Variants in AARS2 observed in about 807,000 individuals in gnomAD.
AARS2 encodes the protein alanyl-tRNA synthetase 2, mitochondrial.
Under a neutral mutation model 119.7 loss-of-function variants are expected in AARS2, and 78 were observed. That is an observed-to-expected ratio of 0.65 (90% CI 0.54 to 0.79). The LOEUF (loss-of-function observed/expected upper bound fraction) is 0.79. Ranked by LOEUF, AARS2 falls within the 30% of genes least tolerant of loss-of-function variation. The probability of loss-of-function intolerance (pLI) is 0.00; values close to 1 mark genes in which losing one functional copy is unlikely to be tolerated. For missense variants in AARS2, 1,157 were observed against 1,291.3 expected, an observed-to-expected ratio of 0.90 and a Z score of 1.59; for synonymous variants, 502 against 526.3, an observed-to-expected ratio of 0.95 and a Z score of 0.63.
Position 44,305,775 on chromosome 6 carries a change from A to G in AARS2, c.1312T>C (p.Trp438Arg). The G allele has an allele frequency of 6.2e-7, 1 of 1,614,158 alleles. No homozygotes were observed. Among genetic ancestry groups the G allele is most frequent in the Non-Finnish European group, 8.5e-7 (1 of 1,179,994 alleles). The change falls in exon 10 of 22, where the codon TGG becomes CGG. Residue 438 changes from tryptophan (W) to arginine (R), a missense_variant. By Grantham distance (101) the Trp-to-Arg change is moderately radical (BLOSUM62 -3). Transcript: ENST00000244571. This position sits in a 1 kb window ranked among gnomAD's most constrained non-coding sequence, Gnocchi z 4.6. ...PSDMFPAEVA[W>R]SLSLCGDLGL... ...AGGTCTCCACACAGTGACAAGGACC[A>G]GGCCACTTCAGCTTTGAGAAAGAAA...
In AARS2 at chr6:44,303,445, G is replaced by T. The variant is rs376332339; in HGVS notation, c.2008-22C>A. Reference sequence around the variant, plus strand: ...GGGTCTGGAGGGGTGGGGAGGAAATGGAAAGACCAACATGCAGTCAGCCCC... The same window carrying T: ...GGGTCTGGAGGGGTGGGGAGGAAATTGAAAGACCAACATGCAGTCAGCCCC... On this transcript the variant is annotated intron_variant, in intron 14 of 21. Coordinates refer to ENST00000244571, the MANE Select transcript of AARS2 (RefSeq NM_020745.4). The T allele has an allele frequency of 6.8e-5, 109 of 1,613,682 alleles. No homozygotes were observed. In the African/African-American group the frequency reaches 1.4e-3, roughly 20 times the overall value.
At chr6:44,304,875 G>C (rs1408487088) in intron 11 of AARS2, 58 bp from the exon 12 acceptor site, 3 of 1,612,044 alleles carry the variant, frequency 1.9e-6, no homozygotes, top group Non-Finnish European at 2.5e-6. Context: ...GTGAAGGTGG[G>C]TCTGTGCCTG....
rs758937681 is a variant in AARS2 at position 44,313,082 on chromosome 6, T to G, written c.242A>C (p.Gln81Pro). ...SLLFVNAGMNQFKPIFLGTVD... is the reference protein window; with the variant it reads ...SLLFVNAGMNPFKPIFLGTVD... ...CTATCAGTATGGTTCGGCCCTCACCTGGTTCATGCCCGCATTGACAAAAAG... is the reference window on the plus strand; with the variant it reads ...CTATCAGTATGGTTCGGCCCTCACCGGGTTCATGCCCGCATTGACAAAAAG... Residue 81 changes from glutamine (Q) to proline (P), a missense_variant and splice_region_variant, in exon 1 of 22, where the codon CAG becomes CCG. Transcript: ENST00000244571. The G allele has an allele frequency of 1.2e-6, 2 of 1,613,380 alleles. No homozygotes were observed. The highest frequency in any genetic ancestry group is 1.7e-6 in the Non-Finnish European group (2 of 1,179,944).
intron 18 of AARS2, 102 bp downstream of exon 18, chr6:44,302,289 C>A: frequency 6.2e-7 from 1 of 1,611,018 alleles, no homozygotes. Context: ...CCAGCTGGAG[C>A]CCAACCCAAT....
In AARS2 at chr6:44,307,733, G is replaced by C. The variant is rs760923941; in HGVS notation, c.895-339C>G. 69 of 360,920 alleles carry C rather than the reference G, an allele frequency of 1.9e-4. No homozygotes were observed. The highest frequency in any genetic ancestry group is 2.8e-4 in the Non-Finnish European group (53 of 190,012). 22.4% of individuals were successfully genotyped at this position (360,920 alleles called of 1,614,324 possible). On this transcript the variant is annotated intron_variant, in intron 5 of 21. Coordinates refer to ENST00000244571, the MANE Select transcript of AARS2 (RefSeq NM_020745.4). This position sits in a 1 kb window ranked among gnomAD's most constrained non-coding sequence, Gnocchi z 4.4. ...TTGCTTTAAAGAAGAAGAAGCTGAG[G>C]CTCAGAGGAACTCAGTGACACAAGG...
chr6:44,306,128 T>G (rs553584388), intron 9 of AARS2, 152 bp downstream of exon 9: 2 of 795,756 alleles, frequency 2.5e-6, no homozygotes. Flanking sequence ...TGCAGAGGGG[T>G]CTGGGTATGG....
Position 44,301,583 on chromosome 6 carries a change from G to C in AARS2, c.2599-119C>G, listed in dbSNP as rs1157489996. On this transcript the variant is annotated intron_variant, in intron 19 of 21. Transcript: ENST00000244571. Reference sequence around the variant, plus strand: ...CCTGCTTCCCCCACCCACCCCAAAAGTCATTAGCTCTAGGCAGAGGTGGCA... The same window carrying C: ...CCTGCTTCCCCCACCCACCCCAAAACTCATTAGCTCTAGGCAGAGGTGGCA... 1.0e-5 allele frequency: 10 copies of C among 986,184 alleles called. No individual in the cohort carries two copies. The Admixed American group carries it at 1.7e-4, about 17-fold the overall frequency. 61.1% of individuals were successfully genotyped at this position (986,184 alleles called of 1,614,324 possible).
Position 44,311,014 on chromosome 6 carries a change from C to T in AARS2, c.729G>A (p.Leu243=), listed in dbSNP as rs758236722. The T allele has an allele frequency of 6.2e-7, 1 of 1,613,964 alleles. No homozygotes were observed. ...GAPQLVELWN[L]VFMQHNREAD... ...ATTACCTGTTGTGTTGCATGAAGACCAGGTTCCAAAGCTCTACCAGCTGGG... is the reference window on the plus strand; with the variant it reads ...ATTACCTGTTGTGTTGCATGAAGACTAGGTTCCAAAGCTCTACCAGCTGGG... Residue 243 remains leucine, a synonymous_variant, in exon 4 of 22, where the codon CTG becomes CTA. Coordinates refer to ENST00000244571, the MANE Select transcript of AARS2 (RefSeq NM_020745.4).
At position 44,307,077 on chromosome 6, in the gene AARS2, T is replaced by A. The variant is rs771011932; in HGVS notation, c.1041-46A>T. ...GACATGAATCCCCAGCGGCTCATGGTCAGCAATATGGGGAGTGGGAAGGAC... is the reference window on the plus strand; with the variant it reads ...GACATGAATCCCCAGCGGCTCATGGACAGCAATATGGGGAGTGGGAAGGAC... On this transcript the variant is annotated intron_variant, in intron 6 of 21. Coordinates refer to ENST00000244571, the MANE Select transcript of AARS2 (RefSeq NM_020745.4). The surrounding 1 kb of genome is among the most constrained non-coding windows in gnomAD (Gnocchi z 4.4). 11 of 1,606,906 alleles carry A rather than the reference T, an allele frequency of 6.8e-6. No individual in the cohort carries two copies. The highest frequency in any genetic ancestry group is 9.4e-6 in the Non-Finnish European group (11 of 1,174,018).
chr6:44,311,872 T>C (rs1384449033), intron 2 of AARS2, among the ~76,000 whole-genome samples, 200 bp downstream of exon 2: 1 of 152,220 alleles, frequency 6.6e-6, no homozygotes, highest in Non-Finnish European at 1.5e-5. Flanking sequence ...AATTTTTGAG[T>C]GATCATTAGG....
In AARS2 at chr6:44,302,786, C is replaced by T; in HGVS notation, c.2364+16G>A. On this transcript the variant is annotated intron_variant, in intron 17 of 21. Transcript: ENST00000244571. ...CCCACTCAACCCAGAAGTCCCAGGC[C>T]TACTGGCATGCTGACCTGCTGGGCC... The T allele has an allele frequency of 6.2e-7, 1 of 1,610,182 alleles. No individual in the cohort carries two copies. Among genetic ancestry groups the T allele is most frequent in the Non-Finnish European group, 8.5e-7 (1 of 1,178,190 alleles).
chr6:44,300,899 G>T (rs981599146), intron 21 of AARS2, 188 bp from the exon 22 acceptor site: 1 of 769,050 alleles, frequency 1.3e-6, no homozygotes, highest in South Asian at 1.6e-5. Context: ...GTGTATGAAC[G>T]TGAACATCTG....
At chr6:44,311,625 G>T in intron 2 of AARS2, 90 bp from the exon 3 acceptor site, 1 of 1,459,444 alleles carries the variant, frequency 6.9e-7, no homozygotes, top group Non-Finnish European at 9.5e-7. Flanking sequence ...TTTAGCTCCC[G>T]ACTTAAGACA....
At chr6:44,310,865 G>T in intron 4 of AARS2, 129 bp downstream of exon 4, 1 of 1,203,692 alleles carries the variant, frequency 8.3e-7, no homozygotes, top group South Asian at 1.3e-5. Context: ...AAGGTGTTGA[G>T]AATTGTGCCT....
In AARS2 at chr6:44,299,422, G is replaced by A. The variant is rs1002951042; in HGVS notation, c.*1125C>T. On this transcript the variant is annotated 3_prime_UTR_variant, in exon 22 of 22. Transcript: ENST00000244571. ...AGTCTCAGCTACCTGGGAGGCTGAG[G>A]CATAAAGATTACTTTTTTTTTTTTT... 4.0e-4 allele frequency among the ~76,000 whole-genome samples: 61 copies of A among 151,878 alleles called. No individual in the cohort carries two copies. The highest frequency in any genetic ancestry group is 1.5e-3 in the African/African-American group (61 of 41,382).
intron 5 of AARS2, among the ~76,000 whole-genome samples, chr6:44,309,651 T>C (rs1786182173): frequency 6.6e-6 from 1 of 152,204 alleles, no homozygotes; most frequent in South Asian, 2.1e-4. Context: ...CCAAGCTTCT[T>C]CATCTCAGTA....
Position 44,312,196 on chromosome 6 carries a change from T to C in AARS2, c.311A>G (p.Asn104Ser), listed in dbSNP as rs1786418213. Residue 104 changes from asparagine (N) to serine (S), a missense_variant, in exon 2 of 22, where the codon AAC (asparagine) becomes AGC (serine). Asn to Ser is a conservative substitution (Grantham distance 46). Coordinates refer to ENST00000244571, the MANE Select transcript of AARS2 (RefSeq NM_020745.4). ...SEMAGFRRVA[N>S]SQKCVRAGGH... ...TCCAGCTCTCACACATTTCTGGCTG[T>C]TGGCCACACGTCGGAAGCCTGCCAT... 1.2e-6 allele frequency: 2 copies of C among 1,614,068 alleles called. No individual in the cohort carries two copies. The highest frequency in any genetic ancestry group is 1.3e-5 in the African/African-American group (1 of 74,928).
intron 11 of AARS2, 80 bp downstream of exon 11, chr6:44,304,974 C>A: frequency 6.2e-7 from 1 of 1,612,356 alleles, no homozygotes; most frequent in African/African-American, 1.3e-5. Context: ...TACATAGGGG[C>A]TAGCAGCAAC....
At position 44,307,610 on chromosome 6, in the gene AARS2, G is replaced by T. The variant is rs1309540892; in HGVS notation, c.895-216C>A. The T allele has an allele frequency of 1.6e-5, 10 of 620,446 alleles. No individual in the cohort carries two copies. The highest frequency in any genetic ancestry group is 2.8e-5 in the Non-Finnish European group (10 of 355,992). 38.4% of individuals were successfully genotyped at this position (620,446 alleles called of 1,614,324 possible). ...TGGTGCTACAAGTGAACATATCTGT[G>T]ACCATTTACTGAATTTCTACTATCA... On this transcript the variant is annotated intron_variant, in intron 5 of 21. Coordinates refer to ENST00000244571, the MANE Select transcript of AARS2 (RefSeq NM_020745.4). The surrounding 1 kb of genome is among the most constrained non-coding windows in gnomAD (Gnocchi z 4.4).
Sources: allele counts gnomAD v4.1 joint callset (sites outside exome capture counted in the v4.1 genomes callset), GRCh38; gene constraint gnomAD v4.1.1; non-coding constraint Gnocchi (gnomAD v3.1); transcripts MANE v1.5; gene names NCBI Gene and HGNC (gene_info 2026-07-23, HGNC 2026-07-21).